PRKN: variants seen among roughly 807,000 people sequenced by gnomAD.
PRKN encodes the protein E3 ubiquitin-protein ligase parkin.
PRKN carries 56 observed loss-of-function variants against 59.5 expected under a neutral mutation model. That is an observed-to-expected ratio of 0.94 (90% CI 0.76 to 1.18). The LOEUF (loss-of-function observed/expected upper bound fraction) is 1.18. Ranked by LOEUF, PRKN falls within the 50% of genes most tolerant of loss-of-function variation. The pLI is 0.00. For synonymous variants in PRKN, 250 were observed against 222.1 expected, an observed-to-expected ratio of 1.13 and a Z score of -1.12; for missense variants, 657 against 596.4, an observed-to-expected ratio of 1.10 and a Z score of -1.06.
intron 6 of PRKN, among the ~76,000 whole-genome samples, chr6:161,958,262 G>A (rs561780917): frequency 7.2e-5 from 11 of 152,182 alleles, no homozygotes; most frequent in South Asian, 2.1e-4. Context: ...AATTTTTAGC[G>A]CAATAATTGT....
At chr6:161,916,175 G>T (rs1007845519) in intron 6 of PRKN, among the ~76,000 whole-genome samples, 2 of 152,138 alleles carry the variant, frequency 1.3e-5, no homozygotes, top group Non-Finnish European at 2.9e-5. Context: ...AAGAAGAAAA[G>T]TAATTTCCAC....
In PRKN at chr6:161,451,322, G is replaced by A. The variant is rs1427310303; in HGVS notation, c.1084-64445C>T. ...TCCACGAGAAGACCTCTCTGGAGAG[G>A]TCTGAACATTGTCTTCTGTCAGCTC... On this transcript the variant is annotated intron_variant, in intron 9 of 11. Transcript: ENST00000366898. This position sits in a 1 kb window ranked among gnomAD's most constrained non-coding sequence, Gnocchi z 5.9. 6.6e-6 allele frequency among the ~76,000 whole-genome samples: 1 copy of A among 152,144 alleles called. No individual in the cohort carries two copies. The highest frequency in any genetic ancestry group is 1.5e-5 in the Non-Finnish European group (1 of 68,042).
intron 9 of PRKN, among the ~76,000 whole-genome samples, chr6:161,492,065 A>AC (rs1331671935): frequency 4.6e-5 from 7 of 152,258 alleles, no homozygotes; most frequent in African/African-American, 1.7e-4. Context: ...CATCAAGTAA[A>AC]TGCTCAGTAC....
chr6:162,427,644 G>GTTTTTTTTT (rs1219394770), intron 2 of PRKN, among the ~76,000 whole-genome samples: 3 of 144,208 alleles, frequency 2.1e-5, no homozygotes, highest in Non-Finnish European at 1.5e-5. Context: ...GTAAATAAAT[G>GTTTTTTTTT]TTTTTTTTTC....
At chr6:162,556,366 T>TGCGTGTGC (rs1554243442) in intron 1 of PRKN, among the ~76,000 whole-genome samples, 2 of 98,298 alleles carry the variant, frequency 2.0e-5, no homozygotes, top group African/African-American at 6.1e-5. Flanking sequence ...TGTGTGTGTG[T>TGCGTGTGC]GTGTGTGTGT....
At position 161,550,624 on chromosome 6, in the gene PRKN, A is replaced by G. The variant is rs1469124119; in HGVS notation, c.934-1621T>C. Among the ~76,000 whole-genome samples, 2 of 152,032 alleles carry G rather than the reference A, an allele frequency of 1.3e-5. No individual in the cohort carries two copies. Among genetic ancestry groups the G allele is most frequent in the Non-Finnish European group, 2.9e-5 (2 of 68,004 alleles). Reference sequence around the variant, plus strand: ...AGTCAGGTTGGATGCCTGGTGTGAGAGGAAAAGAGGAGTCAACTGTGAGTG... The same window carrying G: ...AGTCAGGTTGGATGCCTGGTGTGAGGGGAAAAGAGGAGTCAACTGTGAGTG... On this transcript the variant is annotated intron_variant, in intron 8 of 11. Coordinates refer to ENST00000366898, the MANE Select transcript of PRKN (RefSeq NM_004562.3). This position sits in a 1 kb window ranked among gnomAD's most constrained non-coding sequence, Gnocchi z 4.0.
intron 9 of PRKN, among the ~76,000 whole-genome samples, chr6:161,520,339 C>T (rs1162192678): frequency 6.6e-6 from 1 of 151,504 alleles, no homozygotes. Flanking sequence ...ATTCTCCTGC[C>T]TCAGTCTCCT....
intron 7 of PRKN, among the ~76,000 whole-genome samples, chr6:161,636,194 A>G (rs1022651265): frequency 6.6e-6 from 1 of 152,232 alleles, no homozygotes; most frequent in African/African-American, 2.4e-5. Context: ...AGCACTCACT[A>G]TGTCAGCACA....
intron 9 of PRKN, among the ~76,000 whole-genome samples, chr6:161,539,358 A>G (rs1779535791): frequency 1.4e-5 from 2 of 144,264 alleles, no homozygotes; most frequent in Admixed American, 1.4e-4. Flanking sequence ...ATGACAGGAG[A>G]GTTGCTCCTG....
chr6:161,774,896 T>C (rs1233883386), intron 7 of PRKN, among the ~76,000 whole-genome samples: 4 of 152,202 alleles, frequency 2.6e-5, no homozygotes, highest in Non-Finnish European at 4.4e-5. Flanking sequence ...CTTAGGAAGT[T>C]TGATTTAATT....
rs528945712 is a variant in PRKN at position 161,451,257 on chromosome 6, C to T, written c.1084-64380G>A. On this transcript the variant is annotated intron_variant, in intron 9 of 11. Coordinates refer to ENST00000366898, the MANE Select transcript of PRKN (RefSeq NM_004562.3). This position sits in a 1 kb window ranked among gnomAD's most constrained non-coding sequence, Gnocchi z 5.9. ...GGGGTCTCTTTTATCCTACCGTCAT[C>T]TCATTTCCAGATAAAACACCTCCAG... 2.0e-5 allele frequency among the ~76,000 whole-genome samples: 3 copies of T among 152,326 alleles called. No homozygotes were observed. The South Asian group carries it at 6.2e-4, about 32-fold the overall frequency.
At chr6:162,212,039 C>T (rs751785382) in intron 3 of PRKN, among the ~76,000 whole-genome samples, 1 of 152,126 alleles carries the variant, frequency 6.6e-6, no homozygotes, top group African/African-American at 2.4e-5. Context: ...AAAGTCTGCA[C>T]TGGAATAACT....
intron 5 of PRKN, among the ~76,000 whole-genome samples, chr6:162,020,422 G>A (rs1212024167): frequency 6.8e-6 from 1 of 147,726 alleles, no homozygotes; most frequent in East Asian, 2.1e-4. Context: ...TTAAAGATAT[G>A]AATGTTTTTC....
intron 10 of PRKN, among the ~76,000 whole-genome samples, chr6:161,383,998 A>G (rs1378295004): frequency 1.3e-5 from 2 of 152,206 alleles, no homozygotes; most frequent in African/African-American, 4.8e-5. Flanking sequence ...ATCAGGAACC[A>G]GAAGCAGGAA....
At position 161,576,854 on chromosome 6, in the gene PRKN, T is replaced by A. The variant is rs560548963; in HGVS notation, c.872-7438A>T. On this transcript the variant is annotated intron_variant, in intron 7 of 11. Coordinates refer to ENST00000366898, the MANE Select transcript of PRKN (RefSeq NM_004562.3). The surrounding 1 kb of genome is among the most constrained non-coding windows in gnomAD (Gnocchi z 4.6). Reference sequence around the variant, plus strand: ...TATGAGTTAGCTAGAGTGAAATGTATCAAAACAGGTAAATCTCAAAATCAT... The same window carrying A: ...TATGAGTTAGCTAGAGTGAAATGTAACAAAACAGGTAAATCTCAAAATCAT... Among the ~76,000 whole-genome samples the A allele has an allele frequency of 3.3e-5, 5 of 152,198 alleles. No homozygotes were observed. The highest frequency in any genetic ancestry group is 7.3e-5 in the Non-Finnish European group (5 of 68,034).
At chr6:162,251,919 A>T (rs181847485) in intron 3 of PRKN, among the ~76,000 whole-genome samples, 1 of 152,346 alleles carries the variant, frequency 6.6e-6, no homozygotes, top group East Asian at 1.9e-4. Flanking sequence ...TTACTAATAT[A>T]AACAGTGTTG....
intron 6 of PRKN, among the ~76,000 whole-genome samples, chr6:161,828,487 G>GC (rs1429835320): frequency 1.3e-5 from 2 of 152,198 alleles, no homozygotes; most frequent in South Asian, 2.1e-4. Flanking sequence ...CTTCCTGTGG[G>GC]CCCCCCGACC....
chr6:162,294,805 G>A (rs753124633), intron 2 of PRKN, among the ~76,000 whole-genome samples: 15 of 152,066 alleles, frequency 9.9e-5, no homozygotes, highest in Non-Finnish European at 1.9e-4. Flanking sequence ...GTAAGAAAAG[G>A]AAAAGAGGGA....
chr6:162,191,184 A>G (rs1784263698), intron 4 of PRKN, among the ~76,000 whole-genome samples: 1 of 152,164 alleles, frequency 6.6e-6, no homozygotes, highest in South Asian at 2.1e-4. Flanking sequence ...ATCATTGCCA[A>G]CCCAACGTGC....
Sources: allele counts gnomAD v4.1 joint callset (sites outside exome capture counted in the v4.1 genomes callset), GRCh38; gene constraint gnomAD v4.1.1; non-coding constraint Gnocchi (gnomAD v3.1); transcripts MANE v1.5; gene names NCBI Gene and HGNC (gene_info 2026-07-23, HGNC 2026-07-21).